Variants in NDUFAF6 observed in about 807,000 individuals in gnomAD.
NDUFAF6 encodes the protein NADH dehydrogenase (ubiquinone) complex I, assembly factor 6.
A neutral mutation model predicts 40.8 loss-of-function variants in NDUFAF6; 45 were observed. That is an observed-to-expected ratio of 1.10 (90% CI 0.87 to 1.42). NDUFAF6 has a LOEUF of 1.42. Ranked by LOEUF, NDUFAF6 falls within the 40% of genes most tolerant of loss-of-function variation. The probability of loss-of-function intolerance (pLI) is 0.00; values close to 1 mark genes in which losing one functional copy is unlikely to be tolerated. For synonymous variants in NDUFAF6, 185 were observed against 155.9 expected, an observed-to-expected ratio of 1.19 and a Z score of -1.39; for missense variants, 435 against 418.5, an observed-to-expected ratio of 1.04 and a Z score of -0.34.
chr8:95,060,743 A>G (rs759675919), downstream of NDUFAF6, among the ~76,000 whole-genome samples: 15 of 152,370 alleles, frequency 9.8e-5, no homozygotes, highest in Admixed American at 2.0e-4. Flanking sequence ...TTTTTTTACC[A>G]TTCTTGAGAT....
intron 1 of NDUFAF6, chr8:94,940,716 C>T: frequency 1.4e-6 from 1 of 710,342 alleles, no homozygotes; most frequent in Non-Finnish European, 2.3e-6. Context: ...CAAACTCCTG[C>T]TTACTTTTAA....
At chr8:95,093,077 C>T (rs1809320641) in intron 2 of NDUFAF6, among the ~76,000 whole-genome samples, 2 of 147,012 alleles carry the variant, frequency 1.4e-5, no homozygotes, top group Admixed American at 6.7e-5. Flanking sequence ...ATAGTGCTCA[C>T]CCTATGCTTC....
chr8:95,012,760 G>T (rs574251666), intron 2 of NDUFAF6, among the ~76,000 whole-genome samples: 1 of 152,208 alleles, frequency 6.6e-6, no homozygotes, highest in South Asian at 2.1e-4. Context: ...AGAGGTAGAG[G>T]CTGCAATAAG....
chr8:94,911,698 G>C (rs1431906114), intron 1 of NDUFAF6, among the ~76,000 whole-genome samples: 1 of 152,240 alleles, frequency 6.6e-6, no homozygotes, highest in Non-Finnish European at 1.5e-5. Context: ...AAGCAGGAAG[G>C]AAGGAGATGG....
intron 2 of NDUFAF6, among the ~76,000 whole-genome samples, chr8:95,088,446 G>A (rs890666718): frequency 6.6e-6 from 1 of 152,130 alleles, no homozygotes; most frequent in Non-Finnish European, 1.5e-5. Context: ...GCTGGATTCC[G>A]CTCTCTTCTA....
At chr8:95,044,061 A>G (rs1247371015) in intron 4 of NDUFAF6, among the ~76,000 whole-genome samples, 4 of 152,268 alleles carry the variant, frequency 2.6e-5, no homozygotes, top group African/African-American at 4.8e-5. Flanking sequence ...AATTTATTCA[A>G]CTAAAAAGAA....
intron 2 of NDUFAF6, among the ~76,000 whole-genome samples, chr8:95,101,969 T>C (rs189767186): frequency 5.7e-4 from 85 of 150,392 alleles, no homozygotes; most frequent in African/African-American, 2.0e-3. Flanking sequence ...CATTTGAACA[T>C]TAGGAAAAGT....
chr8:94,992,563 T>A (rs1302768619), intron 2 of NDUFAF6, among the ~76,000 whole-genome samples: 1 of 152,222 alleles, frequency 6.6e-6, no homozygotes, highest in Admixed American at 6.5e-5. Context: ...GGTAAGAATT[T>A]AAAGTGTCCC....
intron 1 of NDUFAF6, among the ~76,000 whole-genome samples, chr8:94,897,186 G>C (rs1485269817): frequency 6.6e-6 from 1 of 152,186 alleles, no homozygotes; most frequent in South Asian, 2.1e-4. Flanking sequence ...AGTAACGTTT[G>C]TGGGAATCAT....
intron 1 of NDUFAF6, among the ~76,000 whole-genome samples, chr8:94,966,737 A>G (rs1824041774): frequency 6.6e-6 from 1 of 152,094 alleles, no homozygotes; most frequent in African/African-American, 2.4e-5. Flanking sequence ...CACCATACTT[A>G]GTGTGTGTGG....
intron 9 of NDUFAF6, among the ~76,000 whole-genome samples, chr8:95,071,399 A>G (rs1285445780): frequency 1.1e-5 from 1 of 90,904 alleles, no homozygotes; most frequent in African/African-American, 4.8e-5. Context: ...CTCCGTCTCC[A>G]AAAGAAAAAA....
chr8:94,999,373 C>T (rs913804362), intron 2 of NDUFAF6, among the ~76,000 whole-genome samples: 4 of 152,076 alleles, frequency 2.6e-5, no homozygotes, highest in African/African-American at 9.7e-5. Flanking sequence ...ATGCCCACCT[C>T]GGCCTCCTAA....
intron 1 of NDUFAF6, chr8:94,940,108 G>A (rs764025798): frequency 6.2e-7 from 1 of 1,614,080 alleles, no homozygotes; most frequent in African/African-American, 1.3e-5. Context: ...TATCAGCCAA[G>A]CACTCAAGAG....
chr8:94,900,434 TCTGCCAGTGCTGCACTTGGCTGC>T (rs1319715488), intron 1 of NDUFAF6, among the ~76,000 whole-genome samples: 1 of 152,112 alleles, frequency 6.6e-6, no homozygotes, highest in Admixed American at 6.5e-5. Flanking sequence ...AGCCTCTGGC[TCTGCCAGTGCTGCACTTGGCTGC>T]CACCTCAGAG....
intron 4 of NDUFAF6, among the ~76,000 whole-genome samples, chr8:95,043,508 A>C (rs572704665): frequency 6.6e-6 from 1 of 152,184 alleles, no homozygotes; most frequent in South Asian, 2.1e-4. Context: ...ATTATCTAAA[A>C]TATGCAAGAA....
chr8:95,062,321 G>A (rs558113786), downstream of NDUFAF6, among the ~76,000 whole-genome samples: 2 of 152,090 alleles, frequency 1.3e-5, no homozygotes, highest in Non-Finnish European at 2.9e-5. Context: ...GTGGTTGTGA[G>A]GAATAAGTGA....
intron 1 of NDUFAF6, among the ~76,000 whole-genome samples, chr8:94,970,253 C>CAAAA (rs891358442): frequency 6.9e-4 from 43 of 62,694 alleles, no homozygotes; most frequent in South Asian, 1.2e-3. Flanking sequence ...GACTCCGTCT[C>CAAAA]AAAAAAAAAA....
chr8:95,048,620 T>A (rs931831799), intron 7 of NDUFAF6, 62 bp downstream of exon 7: 86 of 1,151,624 alleles, frequency 7.5e-5, no homozygotes, highest in Non-Finnish European at 1.1e-4. Context: ...GTGGCTCTTC[T>A]TAGAACATGG....
chr8:94,919,273 G>A lies in NDUFAF6; in HGVS notation c.-936+23346G>A, dbSNP rs2444565. ...CACAGCTCACTTCAGCCTTGATCTC[G>A]CAGGCTCAACCAGTCCTCCCACCTC... On this transcript the variant is annotated intron_variant, in intron 1 of 14. Coordinates refer to the NDUFAF6 transcript ENST00000396113. Among the ~76,000 whole-genome samples, 1,306 of 152,110 alleles carry A rather than the reference G, an allele frequency of 8.6e-3. 20 individuals are homozygous for A. Among genetic ancestry groups the A allele is most frequent in the African/African-American group, 0.03 (1,261 of 41,494 alleles).
Sources: gnomAD v4.1 joint callset for allele counts (sites outside exome capture counted in the v4.1 genomes callset) on GRCh38, gnomAD v4.1.1 for gene constraint, MANE v1.5 for transcripts, NCBI Gene and HGNC (gene_info 2026-07-23, HGNC 2026-07-21) for gene names.